Variants in FLT1 observed in about 807,000 individuals in gnomAD.
FLT1 encodes the protein fms related receptor tyrosine kinase 1, also known as vascular endothelial growth factor receptor 1.
In FLT1, 49 loss-of-function variants were observed where a neutral mutation model predicts 156.3. The observed-to-expected ratio is 0.31, with a 90% CI of 0.25 to 0.40. The LOEUF (loss-of-function observed/expected upper bound fraction) is 0.40, where lower values mean the gene tolerates loss of function less well. Among genes scored for constraint, FLT1 ranks in the 10% least tolerant of loss-of-function variants. The pLI, the probability that FLT1 is intolerant of heterozygous loss-of-function variation, is 1.00. For synonymous variants in FLT1, 594 were observed against 583.8 expected (o/e 1.02, Z -0.25); for missense variants, 1,322 against 1,637.2 (o/e 0.81, Z 3.32).
At chr13:28,457,933 C>CTTTTTTTTTTTTTTTTTTTTTT (rs894090277) in intron 3 of FLT1, among the ~76,000 whole-genome samples, 11 of 114,208 alleles carry the variant, frequency 9.6e-5, no homozygotes, top group South Asian at 2.8e-4. Context: ...CTTTCCTTTT[C>CTTTTTTTTTTTTTTTTTTTTTT]TTTTTTTTTT....
chr13:28,372,229 T>G (rs1311742610), intron 14 of FLT1, among the ~76,000 whole-genome samples: 3 of 150,108 alleles, frequency 2.0e-5, no homozygotes, highest in African/African-American at 7.4e-5. Flanking sequence ...CTACAGGCAC[T>G]TGACACCATG....
intron 17 of FLT1, among the ~76,000 whole-genome samples, chr13:28,336,702 AT>A (rs1872128341): frequency 7.7e-6 from 1 of 130,440 alleles, no homozygotes; most frequent in South Asian, 2.4e-4. Flanking sequence ...ACTTTTGATT[AT>A]TTTTCAATAG....
At chr13:28,413,233 C>T (rs1431329736) in intron 10 of FLT1, among the ~76,000 whole-genome samples, 1 of 152,152 alleles carries the variant, frequency 6.6e-6, no homozygotes, top group Non-Finnish European at 1.5e-5. Context: ...CGTCTTGGCT[C>T]ATGCTGCTTC....
At chr13:28,470,549 C>T (rs1430308882) in intron 1 of FLT1, among the ~76,000 whole-genome samples, 4 of 152,216 alleles carry the variant, frequency 2.6e-5, no homozygotes, top group South Asian at 2.1e-4. Context: ...TGACATCCCA[C>T]TGCCTACATC....
At position 28,467,557 on chromosome 13, in the gene FLT1, A is replaced by G. The variant is rs1879919738; in HGVS notation, c.125T>C (p.Ile42Thr). 6.2e-7 allele frequency: 1 copy of G among 1,611,254 alleles called. No homozygotes were observed. Among genetic ancestry groups the G allele is most frequent in the African/African-American group, 1.3e-5 (1 of 74,760 alleles). The change falls in exon 2 of 30, where the codon ATC (isoleucine) becomes ACC (threonine). Residue 42 changes from isoleucine (I) to threonine (T), a missense_variant. Physicochemically the swap from Ile to Thr is moderately conservative, Grantham distance 89. Transcript: ENST00000282397. Reference protein sequence around the residue: ...PELSLKGTQHIMQAGQTLHLQ... With the variant: ...PELSLKGTQHTMQAGQTLHLQ... ...ATGCAGTGTCTGGCCTGCTTGCATG[A>G]TGTGCTGGGTGCCTTTTAAACTCAG...
At chr13:28,359,613 G>A (rs1448212818) in intron 14 of FLT1, among the ~76,000 whole-genome samples, 1 of 152,110 alleles carries the variant, frequency 6.6e-6, no homozygotes, top group Non-Finnish European at 1.5e-5. Context: ...TACAGATTGG[G>A]AAAAAGTATT....
chr13:28,327,317 A>G (rs1483541520), intron 20 of FLT1, 145 bp downstream of exon 20: 6 of 658,054 alleles, frequency 9.1e-6, no homozygotes, highest in South Asian at 1.7e-5. Flanking sequence ...AGGGGAAAAA[A>G]CATGAAAAAA....
At chr13:28,323,881 T>G (rs1196904298) in intron 20 of FLT1, among the ~76,000 whole-genome samples, 1 of 152,144 alleles carries the variant, frequency 6.6e-6, no homozygotes, top group Non-Finnish European at 1.5e-5. Flanking sequence ...AACATGGACA[T>G]TGCTTTTTTT....
chr13:28,444,588 GAAAC>G (rs756565746), intron 3 of FLT1, among the ~76,000 whole-genome samples: 67 of 152,276 alleles, frequency 4.4e-4, no homozygotes, highest in Non-Finnish European at 8.1e-4. Flanking sequence ...AAGTGCACAT[GAAAC>G]ATTCTCCAAG....
chr13:28,367,346 T>C (rs1299154524), intron 14 of FLT1, among the ~76,000 whole-genome samples: 3 of 152,194 alleles, frequency 2.0e-5, no homozygotes, highest in Non-Finnish European at 2.9e-5. Flanking sequence ...TATCTGACGA[T>C]GAAACTCAGT....
At chr13:28,410,281 G>C (rs1876080594) in intron 10 of FLT1, among the ~76,000 whole-genome samples, 1 of 152,334 alleles carries the variant, frequency 6.6e-6, no homozygotes, top group African/African-American at 2.4e-5. Context: ...GGAATCAGAA[G>C]GGAAAGCCCA....
At chr13:28,385,788 G>A (rs1874324064) in intron 13 of FLT1, 1 of 1,033,248 alleles carries the variant, frequency 9.7e-7, no homozygotes, top group East Asian at 5.8e-5. Flanking sequence ...AATACATTAA[G>A]ATGCAATACA....
intron 24 of FLT1, 63 bp from the exon 25 acceptor site, chr13:28,317,660 G>C (rs1213490036): frequency 9.9e-7 from 1 of 1,011,416 alleles, no homozygotes. Context: ...AAGACCAAGA[G>C]GGGACAATTC....
In FLT1 at chr13:28,427,250, T is replaced by C; in HGVS notation, c.1345A>G (p.Arg449Gly). ...PDPALYPLGS[R>G]QILTCTAYGI... ...TATGCGGTACAAGTCAGGATTTGTC[T>C]GCTGCCCAGTGGGTAGAGAGCCGGG... is the stretch of plus-strand genomic sequence containing the variant. Residue 449 changes from arginine (R) to glycine (G), a missense_variant, in exon 10 of 30, where the codon AGA (arginine) becomes GGA (glycine). By Grantham distance (125) the Arg-to-Gly change is moderately radical (BLOSUM62 -2). Around this residue, in one of 3 missense-constraint regions of FLT1, gnomAD observed 991 missense variants for 1,254.8 expected, o/e 0.79. Transcript: ENST00000282397. The C allele has an allele frequency of 6.2e-7, 1 of 1,613,964 alleles. No homozygotes were observed. Among genetic ancestry groups the C allele is most frequent in the Non-Finnish European group, 8.5e-7 (1 of 1,179,838 alleles).
intron 14 of FLT1, among the ~76,000 whole-genome samples, chr13:28,361,493 A>G (rs1288416242): frequency 6.6e-6 from 1 of 152,138 alleles, no homozygotes; most frequent in Non-Finnish European, 1.5e-5. Flanking sequence ...ATCCTTGCCT[A>G]CAAATTCTAG....
At chr13:28,477,888 C>A (rs901181264) in intron 1 of FLT1, among the ~76,000 whole-genome samples, 1 of 152,160 alleles carries the variant, frequency 6.6e-6, no homozygotes, top group Non-Finnish European at 1.5e-5. Flanking sequence ...ATTGTGAACA[C>A]CTGGAAGAGA....
At position 28,390,012 on chromosome 13, in the gene FLT1, T is replaced by C; in HGVS notation, c.1753A>G (p.Arg585Gly). The C allele has an allele frequency of 6.2e-7, 1 of 1,614,212 alleles. No homozygotes were observed. Among genetic ancestry groups the C allele is most frequent in the African/African-American group, 1.3e-5 (1 of 75,058 alleles). The change falls in exon 13 of 30, where the codon AGA (arginine) becomes GGA (glycine). Residue 585 changes from arginine to glycine, a missense_variant. Coordinates refer to ENST00000282397, the MANE Select transcript of FLT1 (RefSeq NM_002019.4). ...LSCTVNKFLY[R>G]DVTWILLRTV... ...CGCAGTAAAATCCAAGTAACGTCTC[T>C]GTATAAGAACTTGTTAACTGTGCAA...
In FLT1 at chr13:28,315,417, G is replaced by A. The variant is rs903249622; in HGVS notation, c.3386+2081C>T. 9.2e-5 allele frequency among the ~76,000 whole-genome samples: 14 copies of A among 152,266 alleles called. 1 individual carries two copies. Among genetic ancestry groups the A allele is most frequent in the Admixed American group, 2.0e-4 (3 of 15,290 alleles). On this transcript the variant is annotated intron_variant, in intron 25 of 29. Transcript: ENST00000282397. ...AAAAAAATATAAAAATTAGCCAGGCGTGGTGGCACATGCCTGTAGTCCCAG... is the reference window on the plus strand; with the variant it reads ...AAAAAAATATAAAAATTAGCCAGGCATGGTGGCACATGCCTGTAGTCCCAG...
chr13:28,454,148 A>C (rs58029013), intron 3 of FLT1, among the ~76,000 whole-genome samples: 3,238 of 152,092 alleles, frequency 0.021, 110 homozygotes, highest in African/African-American at 0.072. Flanking sequence ...GACCTACCAA[A>C]CTGCAGGCCC....
Sources: gnomAD v4.1 joint callset for allele counts (sites outside exome capture counted in the v4.1 genomes callset) on GRCh38, gnomAD v4.1.1 for gene constraint, gnomAD v4.1.1 regional missense constraint, MANE v1.5 for transcripts, NCBI Gene and HGNC (gene_info 2026-07-23, HGNC 2026-07-21) for gene names.